CHLSN: variants seen among roughly 807,000 people sequenced by gnomAD.
The protein encoded by CHLSN is cholesin.
the CHLSN span, chr7:988,254 CTG>C: frequency 6.4e-7 from 1 of 1,559,286 alleles, no homozygotes. Context: ...GCCCCTCTCT[CTG>C]TGCCCCGGCT....
chr7:1,116,333 G>A, the CHLSN span, among the ~76,000 whole-genome samples: 9 of 133,052 alleles, frequency 6.8e-5, no homozygotes, highest in Non-Finnish European at 9.3e-5. Context: ...CATCACCAAC[G>A]CCCATGCAGG....
At chr7:1,107,441 C>T in the CHLSN span, among the ~76,000 whole-genome samples, 1 of 152,202 alleles carries the variant, frequency 6.6e-6, no homozygotes, top group Non-Finnish European at 1.5e-5. Context: ...GCTTCTTAAC[C>T]CAGGGAAGCT....
At chr7:1,036,440 T>C in the CHLSN span, among the ~76,000 whole-genome samples, 6 of 120,784 alleles carry the variant, frequency 5.0e-5, no homozygotes, top group Admixed American at 8.2e-5. Context: ...CCGTGTAGGG[T>C]TCGGGTGCTC....
chr7:1,120,961 C>G, the CHLSN span, among the ~76,000 whole-genome samples: 2 of 152,190 alleles, frequency 1.3e-5, no homozygotes, highest in South Asian at 4.1e-4. Flanking sequence ...GGCAGCGCGG[C>G]TGGCAGACAG....
At chr7:1,045,328 C>A in the CHLSN span, 1 of 152,266 alleles carries the variant, frequency 6.6e-6, no homozygotes, top group Non-Finnish European at 1.5e-5. Flanking sequence ...CTGTATTCGT[C>A]GTCCACAGCC....
the CHLSN span, among the ~76,000 whole-genome samples, chr7:1,030,171 A>G: frequency 0.11 from 16,426 of 152,232 alleles, 1,157 homozygotes; most frequent in Middle Eastern, 0.2. Context: ...ACCTGCCTCC[A>G]TGAACGCGCC....
chr7:988,640 C>T, the CHLSN span: 12 of 1,602,634 alleles, frequency 7.5e-6, no homozygotes, highest in Admixed American at 1.7e-5. Context: ...CGCAGGCCGC[C>T]GCGTCTGTGT....
At chr7:998,155 G>A in the CHLSN span, among the ~76,000 whole-genome samples, 2 of 152,200 alleles carry the variant, frequency 1.3e-5, no homozygotes, top group African/African-American at 2.4e-5. Flanking sequence ...CCAAGTACGC[G>A]CCGGCACTTG....
chr7:1,055,414 G>A, the CHLSN span: 2 of 468,834 alleles, frequency 4.3e-6, no homozygotes, highest in Non-Finnish European at 8.8e-6. Flanking sequence ...GGCCACCTCT[G>A]TCCCGCCATG....
chr7:1,107,834 G>C, the CHLSN span, among the ~76,000 whole-genome samples: 1 of 150,442 alleles, frequency 6.6e-6, no homozygotes, highest in Non-Finnish European at 1.5e-5. Flanking sequence ...TCCCACACTG[G>C]AGACCCGCAC....
the CHLSN span, among the ~76,000 whole-genome samples, chr7:990,024 G>T: frequency 1.2e-4 from 2 of 16,744 alleles, no homozygotes; most frequent in African/African-American, 3.4e-4. Context: ...CGTGTGCTGG[G>T]GGCGGTGTGG....
At chr7:981,582 CATG>C in the CHLSN span, among the ~76,000 whole-genome samples, 1 of 151,874 alleles carries the variant, frequency 6.6e-6, no homozygotes, top group Non-Finnish European at 1.5e-5. Context: ...GGTGTGGTGG[CATG>C]TGCCTGTAAT....
the CHLSN span, chr7:986,711 AG>A: frequency 6.2e-7 from 1 of 1,612,124 alleles, no homozygotes; most frequent in East Asian, 2.2e-5. Context: ...TGCCATTCTG[AG>A]GACCCTCCTG....
At chr7:988,139 G>A in the CHLSN span, 2 of 1,061,132 alleles carry the variant, frequency 1.9e-6, no homozygotes, top group Non-Finnish European at 2.6e-6. Flanking sequence ...CTGGGTTTGG[G>A]TGCCTCACCT....
the CHLSN span, among the ~76,000 whole-genome samples, chr7:1,067,218 C>T: frequency 2.1e-5 from 3 of 140,272 alleles, no homozygotes; most frequent in Non-Finnish European, 3.1e-5. Context: ...GGCTGGAGTG[C>T]ACCCCAGAAG....
chr7:1,136,802 C>T, the CHLSN span, among the ~76,000 whole-genome samples: 1 of 151,878 alleles, frequency 6.6e-6, no homozygotes, highest in African/African-American at 2.4e-5. Flanking sequence ...TCATCCTCTC[C>T]ATAAACATCC....
the CHLSN span, among the ~76,000 whole-genome samples, chr7:1,079,787 C>T: frequency 2.0e-5 from 3 of 152,226 alleles, no homozygotes; most frequent in Non-Finnish European, 4.4e-5. Flanking sequence ...CACTGGAGTC[C>T]CCGGCCTCCC....
the CHLSN span, among the ~76,000 whole-genome samples, chr7:1,099,635 AACTG>A: frequency 0.085 from 12,996 of 152,274 alleles, 687 homozygotes; most frequent in South Asian, 0.12. Context: ...ATTAGAGCTG[AACTG>A]ACTGAGTCTC....
chr7:1,072,974 A>G, the CHLSN span, among the ~76,000 whole-genome samples: 1 of 152,222 alleles, frequency 6.6e-6, no homozygotes, highest in East Asian at 1.9e-4. Flanking sequence ...CAGGACTGAC[A>G]GAGCCTTCAA....
Sources: allele counts gnomAD v4.1 joint callset (sites outside exome capture counted in the v4.1 genomes callset), GRCh38; gene constraint gnomAD v4.1.1; transcripts MANE v1.5; gene names NCBI Gene and HGNC (gene_info 2026-07-23, HGNC 2026-07-21).